Variants in GBF1 observed in about 807,000 individuals in gnomAD.
GBF1 encodes golgi brefeldin A resistant guanine nucleotide exchange factor 1.
GBF1 carries 114 observed loss-of-function variants against 210.5 expected under a neutral mutation model. The ratio of observed to expected loss-of-function variants is 0.54; its 90% CI spans 0.47 to 0.63. The LOEUF is 0.63. GBF1 is among the 30% of genes least tolerant of loss of function. The pLI, the probability that GBF1 is intolerant of heterozygous loss-of-function variation, is 0.00. For synonymous variants in GBF1, 850 were observed against 889.2 expected (o/e 0.96, Z 0.78); for missense variants, 1,851 against 2,357.7 (o/e 0.79, Z 4.45).
At chr10:102,240,373 G>A (rs74469897), upstream of GBF1, among the ~76,000 whole-genome samples, 1,858 of 152,346 alleles carry the variant, frequency 0.012, 32 homozygotes, top group African/African-American at 0.043. Flanking sequence ...GGGGGCATGT[G>A]TCCCAGCCCA....
At chr10:102,314,752 T>A (rs764132649) in intron 3 of GBF1, among the ~76,000 whole-genome samples, 1 of 152,260 alleles carries the variant, frequency 6.6e-6, no homozygotes, top group Non-Finnish European at 1.5e-5. Flanking sequence ...AAATAATTGA[T>A]GTTTATCGTT....
chr10:102,326,681 C>G (rs1012159583), intron 3 of GBF1, among the ~76,000 whole-genome samples: 1 of 152,110 alleles, frequency 6.6e-6, no homozygotes, highest in Non-Finnish European at 1.5e-5. Context: ...CTCTTTGAGT[C>G]CCCCAACCCC....
At chr10:102,275,585 C>G (rs1349588643) in intron 3 of GBF1, among the ~76,000 whole-genome samples, 3 of 152,224 alleles carry the variant, frequency 2.0e-5, no homozygotes, top group South Asian at 4.1e-4. Flanking sequence ...AAATGTAGTC[C>G]ACAGAAAGAC....
At chr10:102,379,987 C>G in intron 36 of GBF1, 33 bp downstream of exon 36, 1 of 1,387,188 alleles carries the variant, frequency 7.2e-7, no homozygotes, top group Non-Finnish European at 1.0e-6. Context: ...CACCCTCTCT[C>G]CCATACCTGC....
At chr10:102,276,410 C>T (rs2074971230) in intron 3 of GBF1, among the ~76,000 whole-genome samples, 1 of 151,024 alleles carries the variant, frequency 6.6e-6, no homozygotes, top group African/African-American at 2.4e-5. Context: ...CCTATAGTCA[C>T]AGCTACTCAG....
At chr10:102,260,233 G>A (rs2073014253) in intron 3 of GBF1, 117 bp downstream of exon 3, 1 of 582,406 alleles carries the variant, frequency 1.7e-6, no homozygotes, top group Admixed American at 2.9e-5. Flanking sequence ...TTTAGGCTTT[G>A]TGGGCCATAC....
the GBF1 span, among the ~76,000 whole-genome samples, chr10:102,232,572 C>T: frequency 1.3e-5 from 2 of 152,126 alleles, no homozygotes; most frequent in South Asian, 2.1e-4. Flanking sequence ...ATCTCAGCTA[C>T]TCGGGAGGCT....
Position 102,370,737 on chromosome 10 carries a change from T to A in GBF1, c.3537T>A (p.Val1179=). ...GTGTGGGCTGTGTGTGGCAGACTGTTCGAGACCATCTATACCACCTCTGTG... is the reference window on the plus strand; with the variant it reads ...GTGTGGGCTGTGTGTGGCAGACTGTACGAGACCATCTATACCACCTCTGTG... ...RDRVGCVWQT[V]RDHLYHLCVQ... Residue 1179 remains valine, a synonymous_variant, in exon 29 of 40, where the codon GTT becomes GTA. Transcript: ENST00000369983. 6.2e-7 allele frequency: 1 copy of A among 1,614,090 alleles called. No individual in the cohort carries two copies. The highest frequency in any genetic ancestry group is 8.5e-7 in the Non-Finnish European group (1 of 1,179,932).
intron 17 of GBF1, among the ~76,000 whole-genome samples, chr10:102,365,002 G>A (rs1470027412): frequency 6.6e-6 from 1 of 152,198 alleles, no homozygotes; most frequent in Admixed American, 6.5e-5. Context: ...CAAACCCAGG[G>A]CATTAAGCTA....
At chr10:102,376,539 G>T in intron 31 of GBF1, 21 bp from the exon 32 acceptor site, 1 of 1,613,626 alleles carries the variant, frequency 6.2e-7, no homozygotes, top group Non-Finnish European at 8.5e-7. Flanking sequence ...TGTGTCCCCA[G>T]CTCCTCTGTG....
intron 1 of GBF1, among the ~76,000 whole-genome samples, chr10:102,255,301 A>AGAGT (rs1274123263): frequency 6.6e-6 from 1 of 152,134 alleles, no homozygotes; most frequent in African/African-American, 2.4e-5. Flanking sequence ...TCAGCCTCCC[A>AGAGT]GAGTGCTGGG....
rs1239858210 is a variant in GBF1, at chr10:102,376,273, G to A, written c.3888G>A (p.Gly1296=). Reference sequence around the variant, plus strand: ...TGCCCTTCTCCCTGCCTACCATAGGGGCCCAGTCAGATAGTGAGCTCCCAT... The same window carrying A: ...TGCCCTTCTCCCTGCCTACCATAGGAGCCCAGTCAGATAGTGAGCTCCCAT... The part of the protein sequence containing the change: ...ATARADAPDA[G]AQSDSELPSY... Residue 1296 remains glycine, a splice_region_variant and synonymous_variant, in exon 31 of 40, where the codon GGG becomes GGA. Transcript: ENST00000369983. 1.2e-6 allele frequency: 2 copies of A among 1,613,704 alleles called. No homozygotes were observed. Among genetic ancestry groups the A allele is most frequent in the East Asian group, 2.2e-5 (1 of 44,864 alleles).
chr10:102,350,147 C>T (rs1225477376), intron 4 of GBF1, among the ~76,000 whole-genome samples: 1 of 151,994 alleles, frequency 6.6e-6, no homozygotes, highest in Non-Finnish European at 1.5e-5. Context: ...GTCGGGAGTT[C>T]GAGACCAGCC....
rs182928102 is a variant in GBF1, at chr10:102,315,189, A to G, written c.164-28862A>G. Among the ~76,000 whole-genome samples, 30 of 152,312 alleles carry G rather than the reference A, an allele frequency of 2.0e-4. No homozygotes were observed. The East Asian group carries it at 5.6e-3, about 28-fold the overall frequency. On this transcript the variant is annotated intron_variant, in intron 3 of 39. Transcript: ENST00000369983. ...TAGGACCTTTCTCCACCAATTCAGA[A>G]ACATCAGTTGAAGACTACTATGTTC...
At chr10:102,239,485 G>A in the GBF1 span, among the ~76,000 whole-genome samples, 22 of 152,298 alleles carry the variant, frequency 1.4e-4, no homozygotes, top group Admixed American at 9.8e-4. Flanking sequence ...AGAATGTGAT[G>A]GGGATAATTG....
At chr10:102,281,667 T>C (rs199678866) in intron 3 of GBF1, among the ~76,000 whole-genome samples, 2 of 150,830 alleles carry the variant, frequency 1.3e-5, no homozygotes, top group East Asian at 3.9e-4. Flanking sequence ...GAAGTTCTCA[T>C]CTATCCAATG....
chr10:102,326,019 T>C (rs1417615266), intron 3 of GBF1, among the ~76,000 whole-genome samples: 1 of 152,196 alleles, frequency 6.6e-6, no homozygotes, highest in Non-Finnish European at 1.5e-5. Context: ...ACCTGGCCTA[T>C]TTTATACGGA....
intron 3 of GBF1, among the ~76,000 whole-genome samples, chr10:102,306,726 G>C (rs1238510199): frequency 6.6e-6 from 1 of 152,222 alleles, no homozygotes; most frequent in Non-Finnish European, 1.5e-5. Context: ...ACCCAGCCGG[G>C]GCTGTCTCTT....
rs2060920406 is a variant in GBF1, at chr10:102,382,589, C to G, written c.*253C>G. ...AGTGAACTCAGCTGTCATCTGCAGC[C>G]TCTGCCTCCAGCCCGGCAGCTCTGG... On this transcript the variant is annotated 3_prime_UTR_variant, in exon 40 of 40. Transcript: ENST00000369983. The G allele has an allele frequency of 4.5e-6, 2 of 441,094 alleles. No homozygotes were observed. The highest frequency in any genetic ancestry group is 8.0e-6 in the Non-Finnish European group (2 of 249,822). The allele number at this position is 441,094 out of a possible 1,614,324, so 27.3% of individuals were successfully genotyped here. A position where few individuals can be genotyped will look rare whatever the true frequency, so the allele number is the denominator to read the frequency against.
Sources: gnomAD v4.1 joint callset for allele counts (sites outside exome capture counted in the v4.1 genomes callset) on GRCh38, gnomAD v4.1.1 for gene constraint, MANE v1.5 for transcripts, NCBI Gene and HGNC (gene_info 2026-07-23, HGNC 2026-07-21) for gene names.